Variants in SERGEF observed in about 807,000 individuals in gnomAD.
SERGEF encodes secretion-regulating guanine nucleotide exchange factor.
In SERGEF, 51 loss-of-function variants were observed where a neutral mutation model predicts 50.0. The observed-to-expected ratio is 1.02, with a 90% CI of 0.81 to 1.29. The LOEUF (loss-of-function observed/expected upper bound fraction) is 1.29. SERGEF is among the 50% of genes most tolerant of loss of function. SERGEF has a pLI of 0.00. For synonymous variants in SERGEF, 205 were observed against 212.4 expected (o/e 0.97, Z 0.30); for missense variants, 521 against 557.0 (o/e 0.94, Z 0.65).
At chr11:17,793,545 G>A (rs576098293) in intron 10 of SERGEF, among the ~76,000 whole-genome samples, 3 of 152,326 alleles carry the variant, frequency 2.0e-5, no homozygotes, top group Admixed American at 6.5e-5. Context: ...ACAGAAGTAA[G>A]AGGAAGGAGA....
At chr11:17,894,530 CTG>C (rs1307412863) in intron 9 of SERGEF, among the ~76,000 whole-genome samples, 1 of 152,168 alleles carries the variant, frequency 6.6e-6, no homozygotes, top group Non-Finnish European at 1.5e-5. Context: ...GTTTTCAAAT[CTG>C]TCTCTTCCCA....
chr11:17,824,029 C>T (rs1037694596), intron 10 of SERGEF, among the ~76,000 whole-genome samples: 86 of 152,092 alleles, frequency 5.7e-4, no homozygotes, highest in African/African-American at 2.0e-3. Flanking sequence ...TGGCCGGGCG[C>T]GGTGGCTCAT....
At chr11:17,902,268 C>T (rs1323588153) in intron 9 of SERGEF, among the ~76,000 whole-genome samples, 1 of 151,958 alleles carries the variant, frequency 6.6e-6, no homozygotes, top group Admixed American at 6.6e-5. Context: ...ATTGCTTTAC[C>T]AAGTTTTAAG....
At chr11:17,791,715 T>C (rs550000329) in intron 10 of SERGEF, among the ~76,000 whole-genome samples, 55 of 152,360 alleles carry the variant, frequency 3.6e-4, no homozygotes, top group African/African-American at 1.3e-3. Flanking sequence ...AGCATTTCTA[T>C]ATCTCAGTTC....
At chr11:17,823,390 T>C (rs1292251518) in intron 10 of SERGEF, among the ~76,000 whole-genome samples, 1 of 152,156 alleles carries the variant, frequency 6.6e-6, no homozygotes, top group Non-Finnish European at 1.5e-5. Flanking sequence ...TCCTCACTCA[T>C]CCCCCTCCCC....
At chr11:17,963,312 T>C (rs926681172) in intron 8 of SERGEF, among the ~76,000 whole-genome samples, 6 of 139,524 alleles carry the variant, frequency 4.3e-5, no homozygotes, top group African/African-American at 1.6e-4. Context: ...TGGCTGGATC[T>C]GGATCTCACC....
At chr11:17,970,023 A>G (rs1276298319) in intron 8 of SERGEF, among the ~76,000 whole-genome samples, 1 of 152,266 alleles carries the variant, frequency 6.6e-6, no homozygotes, top group Non-Finnish European at 1.5e-5. Context: ...AGACTAGACT[A>G]GAACCCAGGT....
intron 10 of SERGEF, among the ~76,000 whole-genome samples, chr11:17,872,478 G>C (rs1256457848): frequency 6.6e-6 from 1 of 152,154 alleles, no homozygotes; most frequent in African/African-American, 2.4e-5. Flanking sequence ...AAATCCAAGA[G>C]TTTCTTAATA....
At chr11:17,807,334 C>A (rs1041496700) in intron 10 of SERGEF, among the ~76,000 whole-genome samples, 19 of 70,066 alleles carry the variant, frequency 2.7e-4, no homozygotes, top group East Asian at 6.6e-4. Flanking sequence ...GAACTCCCCC[C>A]CCACAAAAAA....
intron 9 of SERGEF, among the ~76,000 whole-genome samples, chr11:17,893,985 C>T (rs1240071627): frequency 6.6e-6 from 1 of 152,198 alleles, no homozygotes; most frequent in Non-Finnish European, 1.5e-5. Flanking sequence ...TTGTGCTCCT[C>T]TCCCCTCTGA....
intron 9 of SERGEF, chr11:17,918,699 TG>T: frequency 4.4e-6 from 2 of 454,296 alleles, no homozygotes; most frequent in Non-Finnish European, 8.8e-6. Context: ...CCCTACCTAC[TG>T]GAAGTTCAGA....
At chr11:17,795,145 C>T (rs372278482) in intron 10 of SERGEF, among the ~76,000 whole-genome samples, 23 of 152,194 alleles carry the variant, frequency 1.5e-4, no homozygotes, top group Admixed American at 1.0e-3. Flanking sequence ...GAGGTTTGAG[C>T]GCCCTCATAG....
At chr11:17,979,697 G>C (rs927908095) in intron 8 of SERGEF, among the ~76,000 whole-genome samples, 12 of 152,128 alleles carry the variant, frequency 7.9e-5, no homozygotes, top group African/African-American at 2.7e-4. Flanking sequence ...CCTTGGCTCT[G>C]TCTGCAGCCT....
At chr11:17,907,972 C>T (rs1399992951) in intron 9 of SERGEF, among the ~76,000 whole-genome samples, 3 of 152,166 alleles carry the variant, frequency 2.0e-5, no homozygotes, top group Non-Finnish European at 4.4e-5. Context: ...ATTCCACCTC[C>T]CTGATATTCT....
chr11:17,804,689 G>A (rs574425534), intron 10 of SERGEF, among the ~76,000 whole-genome samples: 71 of 152,242 alleles, frequency 4.7e-4, no homozygotes, highest in Admixed American at 9.2e-4. Flanking sequence ...CTATGAAAAA[G>A]TTGTTTGTTA....
chr11:17,883,470 A>G (rs1402116111), intron 9 of SERGEF, among the ~76,000 whole-genome samples: 1 of 152,190 alleles, frequency 6.6e-6, no homozygotes, highest in East Asian at 1.9e-4. Flanking sequence ...TGCTTTACCT[A>G]TATTATCTCA....
intron 9 of SERGEF, among the ~76,000 whole-genome samples, chr11:17,926,365 A>G (rs1414833234): frequency 6.6e-6 from 1 of 152,098 alleles, no homozygotes; most frequent in African/African-American, 2.4e-5. Flanking sequence ...CCACAGAAGA[A>G]GACAGTTCTC....
intron 6 of SERGEF, among the ~76,000 whole-genome samples, chr11:17,995,104 AAGAG>A (rs773572523): frequency 3.3e-5 from 5 of 152,112 alleles, no homozygotes; most frequent in Non-Finnish European, 7.4e-5. Context: ...GAGAGAAAGA[AAGAG>A]AGAGAGAGAC....
At chr11:17,988,396 C>T (rs1211903213) in intron 8 of SERGEF, among the ~76,000 whole-genome samples, 8 of 152,170 alleles carry the variant, frequency 5.3e-5, no homozygotes, top group Admixed American at 4.6e-4. Context: ...TTAACCCAGG[C>T]TTGCCCTTTT....
Sources: allele counts gnomAD v4.1 joint callset (sites outside exome capture counted in the v4.1 genomes callset), GRCh38; gene constraint gnomAD v4.1.1; transcripts MANE v1.5; gene names NCBI Gene and HGNC (gene_info 2026-07-23, HGNC 2026-07-21).